CCDC184: variants seen among roughly 807,000 people sequenced by gnomAD.
CCDC184 encodes coiled-coil domain containing 184.
Under a neutral mutation model 10.4 loss-of-function variants are expected in CCDC184, and 11 were observed. That is an observed-to-expected ratio of 1.06 (90% CI 0.67 to 1.75). The LOEUF is 1.75. Among genes scored for constraint, CCDC184 ranks in the 40% most tolerant of loss-of-function variants. The probability of loss-of-function intolerance (pLI) is 0.00; values close to 1 mark genes in which losing one functional copy is unlikely to be tolerated. For synonymous variants in CCDC184, 102 were observed against 116.1 expected (o/e 0.88, Z 0.78); for missense variants, 264 against 267.9 (o/e 0.99, Z 0.10).
In CCDC184 at chr12:48,184,194, C is replaced by T. The variant is rs771174814; in HGVS notation, c.72C>T (p.Thr24=). The T allele has an allele frequency of 3.1e-6, 5 of 1,613,988 alleles. No individual in the cohort carries two copies. Among genetic ancestry groups the T allele is most frequent in the East Asian group, 4.5e-5 (2 of 44,866 alleles). ...GDMPAPLEVS[T]VPAVGDVISG... ...TGCCGGCGCCCCTGGAGGTGTCCAC[C>T]GTGCCGGCAGTGGGGGACGTGATCT... Residue 24 remains threonine (T), a synonymous_variant, in exon 1 of 1, where the codon ACC becomes ACT. Transcript: ENST00000316554.
At position 48,185,668 on chromosome 12, in the gene CCDC184, AG is replaced by A; in HGVS notation, c.*965del. ...CTTGTGTAGTAGTGTGTGAGCCCTC[AG>A]GGGCAGGGCTTGTGGCTCTGGTGTT... On this transcript the variant is annotated 3_prime_UTR_variant, in exon 1 of 1. Transcript: ENST00000316554. 1 of 167,176 alleles carries A rather than the reference AG, an allele frequency of 6.0e-6. No homozygotes were observed. Among genetic ancestry groups the A allele is most frequent in the Non-Finnish European group, 1.5e-5 (1 of 68,196 alleles). The allele number at this position is 167,176 out of a possible 1,614,324, so 10.4% of individuals were successfully genotyped here.
In CCDC184 at chr12:48,184,214, T is replaced by A. The variant is rs1420321792; in HGVS notation, c.92T>A (p.Val31Glu). ...EVSTVPAVGDVISGEYNGGMK... is the reference protein window; with the variant it reads ...EVSTVPAVGDEISGEYNGGMK... ...TCCACCGTGCCGGCAGTGGGGGACG[T>A]GATCTCCGGGGAGTACAACGGCGGC... is the stretch of plus-strand genomic sequence containing the variant. The change falls in exon 1 of 1, where the codon GTG becomes GAG. Residue 31 changes from valine (V) to glutamate (E), a missense_variant. By Grantham distance (121) the Val-to-Glu change is moderately radical. Coordinates refer to ENST00000316554, the MANE Select transcript of CCDC184 (RefSeq NM_001013635.4). 1 of 1,613,818 alleles carries A rather than the reference T, an allele frequency of 6.2e-7. No homozygotes were observed. Among genetic ancestry groups the A allele is most frequent in the East Asian group, 2.2e-5 (1 of 44,858 alleles).
rs1158019232 is a variant in CCDC184 at position 48,184,023 on chromosome 12, G to C, written c.-100G>C. 35 of 481,842 alleles carry C rather than the reference G, an allele frequency of 7.3e-5. No individual in the cohort carries two copies. The highest frequency in any genetic ancestry group is 8.9e-5 in the Non-Finnish European group (25 of 279,514). The allele number at this position is 481,842 out of a possible 1,614,324, so 29.8% of individuals were successfully genotyped here. A position where few individuals can be genotyped will look rare whatever the true frequency, so the allele number is the denominator to read the frequency against. ...GGAGCCTCCGCTTCCCTCGGCTCCC[G>C]CTAGCCCCTCCCGGGACCTCTCCCC... is the stretch of plus-strand genomic sequence containing the variant. On this transcript the variant is annotated 5_prime_UTR_variant, in exon 1 of 1. Coordinates refer to ENST00000316554, the MANE Select transcript of CCDC184 (RefSeq NM_001013635.4).
rs1951495827 is a variant in CCDC184 at position 48,185,472 on chromosome 12, C to T, written c.*765C>T. ...TCACAGGCAGAGACTCGGGGGTGCT[C>T]AGCAGCAGCCCAGATTTAGGGGACA... On this transcript the variant is annotated 3_prime_UTR_variant, in exon 1 of 1. Coordinates refer to ENST00000316554, the MANE Select transcript of CCDC184 (RefSeq NM_001013635.4). 6.0e-6 allele frequency: 1 copy of T among 167,066 alleles called. No homozygotes were observed. The highest frequency in any genetic ancestry group is 1.5e-5 in the Non-Finnish European group (1 of 68,150). 10.3% of individuals were successfully genotyped at this position (167,066 alleles called of 1,614,324 possible). A position where few individuals can be genotyped will look rare whatever the true frequency, so the allele number is the denominator to read the frequency against.
chr12:48,185,850 C>T lies in CCDC184; in HGVS notation c.*1143C>T. The stretch of plus-strand genomic sequence containing the variant: ...CCTCCTCAAGTGGTGACTTTGTGTG[C>T]CCTCCCCCTCCTTTGTGTATTCCTT... On this transcript the variant is annotated 3_prime_UTR_variant, in exon 1 of 1. Coordinates refer to ENST00000316554, the MANE Select transcript of CCDC184 (RefSeq NM_001013635.4). 6.0e-6 allele frequency: 1 copy of T among 167,584 alleles called. No individual in the cohort carries two copies. The highest frequency in any genetic ancestry group is 1.5e-5 in the Non-Finnish European group (1 of 68,440). The allele number at this position is 167,584 out of a possible 1,614,324, so 10.4% of individuals were successfully genotyped here.
In CCDC184 at chr12:48,184,814, C is replaced by A; in HGVS notation, c.*107C>A. 1.2e-6 allele frequency: 1 copy of A among 829,060 alleles called. No individual in the cohort carries two copies. The highest frequency in any genetic ancestry group is 2.6e-5 in the East Asian group (1 of 37,782). The allele number at this position is 829,060 out of a possible 1,614,324, so 51.4% of individuals were successfully genotyped here. On this transcript the variant is annotated 3_prime_UTR_variant, in exon 1 of 1. Transcript: ENST00000316554. ...GCGGCATGCTTCACTTGGACAGCTGCTCTTGTGGGTCAGGCAGAGAGAGAC... is the reference window on the plus strand; with the variant it reads ...GCGGCATGCTTCACTTGGACAGCTGATCTTGTGGGTCAGGCAGAGAGAGAC...
At position 48,184,536 on chromosome 12, in the gene CCDC184, G is replaced by A. The variant is rs755097319; in HGVS notation, c.414G>A (p.Glu138=). ...SGLLGRDPED[E]EEEEEEKEMP... ...TGCTGGGTCGCGATCCCGAGGACGA[G>A]GAGGAAGAGGAAGAAGAGAAGGAGA... Residue 138 remains glutamate (E), a synonymous_variant, in exon 1 of 1, where the codon GAG becomes GAA. Transcript: ENST00000316554. 6.4e-6 allele frequency: 10 copies of A among 1,554,242 alleles called. No individual in the cohort carries two copies. In the South Asian group the frequency reaches 1.2e-4, roughly 18 times the overall value.
At position 48,184,076 on chromosome 12, in the gene CCDC184, C is replaced by G; in HGVS notation, c.-47C>G. On this transcript the variant is annotated 5_prime_UTR_variant, in exon 1 of 1. Coordinates refer to ENST00000316554, the MANE Select transcript of CCDC184 (RefSeq NM_001013635.4). ...CCACCCCCTCCCCCACCCCGGAGGC[C>G]GGGCTGGACGCGACCCAGAGCCTCC... is the stretch of plus-strand genomic sequence containing the variant. 6.8e-7 allele frequency: 1 copy of G among 1,474,756 alleles called. No individual in the cohort carries two copies. Among genetic ancestry groups the G allele is most frequent in the Non-Finnish European group, 9.3e-7 (1 of 1,075,112 alleles). The allele number at this position is 1,474,756 out of a possible 1,614,324, so 91.4% of individuals were successfully genotyped here.
Position 48,184,594 on chromosome 12 carries a change from G to A in CCDC184, c.472G>A (p.Glu158Lys). Reference protein sequence around the residue: ...PSPATPSSHCERPESPCAGLL... With the variant: ...PSPATPSSHCKRPESPCAGLL... ...CCCCGCCACACCCTCCAGTCACTGT[G>A]AGCGCCCCGAAAGCCCCTGTGCTGG... The change falls in exon 1 of 1, where the codon GAG becomes AAG. Residue 158 changes from glutamate (E) to lysine (K), a missense_variant. Coordinates refer to ENST00000316554, the MANE Select transcript of CCDC184 (RefSeq NM_001013635.4). 6.4e-7 allele frequency: 1 copy of A among 1,562,256 alleles called. No homozygotes were observed. Among genetic ancestry groups the A allele is most frequent in the Non-Finnish European group, 8.7e-7 (1 of 1,154,418 alleles).
chr12:48,184,085 C>A lies in CCDC184; in HGVS notation c.-38C>A, dbSNP rs1951485084. ...CCCCCACCCCGGAGGCCGGGCTGGA[C>A]GCGACCCAGAGCCTCCGCCACCCGC... is the stretch of plus-strand genomic sequence containing the variant. On this transcript the variant is annotated 5_prime_UTR_variant, in exon 1 of 1. Coordinates refer to ENST00000316554, the MANE Select transcript of CCDC184 (RefSeq NM_001013635.4). 7.0e-7 allele frequency: 1 copy of A among 1,424,484 alleles called. No individual in the cohort carries two copies. Among genetic ancestry groups the A allele is most frequent in the African/African-American group, 1.4e-5 (1 of 69,892 alleles). The allele number at this position is 1,424,484 out of a possible 1,614,324, so 88.2% of individuals were successfully genotyped here. A position where few individuals can be genotyped will look rare whatever the true frequency, so the allele number is the denominator to read the frequency against.
rs147990097 is a variant in CCDC184 at position 48,184,695 on chromosome 12, G to T, written c.573G>T (p.Glu191Asp). 5.6e-6 allele frequency: 9 copies of T among 1,601,028 alleles called. No individual in the cohort carries two copies. The highest frequency in any genetic ancestry group is 7.7e-6 in the Non-Finnish European group (9 of 1,172,502). ...PDITLLQLEG[E>D]ASL ...TTACCCTGCTGCAACTGGAGGGCGA[G>T]GCCTCCCTGTGAGGGGACTCCGTGG... is the stretch of plus-strand genomic sequence containing the variant. The change falls in exon 1 of 1, where the codon GAG (glutamate) becomes GAT (aspartate). Residue 191 changes from glutamate to aspartate, a missense_variant. Physicochemically the swap from Glu to Asp is conservative, Grantham distance 45. Coordinates refer to ENST00000316554, the MANE Select transcript of CCDC184 (RefSeq NM_001013635.4).
rs1349538394 is a variant in CCDC184 at position 48,184,746 on chromosome 12, G to A, written c.*39G>A. ...GGCACTACCTTCCCGGGCTGTCTTTGGGTTTCCGAGTGCATGACGCGAGGG... is the reference window on the plus strand; with the variant it reads ...GGCACTACCTTCCCGGGCTGTCTTTAGGTTTCCGAGTGCATGACGCGAGGG... On this transcript the variant is annotated 3_prime_UTR_variant, in exon 1 of 1. Transcript: ENST00000316554. 6.6e-7 allele frequency: 1 copy of A among 1,510,490 alleles called. No homozygotes were observed. Among genetic ancestry groups the A allele is most frequent in the Non-Finnish European group, 9.0e-7 (1 of 1,114,116 alleles). The allele number at this position is 1,510,490 out of a possible 1,614,324, so 93.6% of individuals were successfully genotyped here.
rs757145992 is a variant in CCDC184, at chr12:48,184,533, C to T, written c.411C>T (p.Asp137=). 6.4e-7 allele frequency: 1 copy of T among 1,555,900 alleles called. No homozygotes were observed. Among genetic ancestry groups the T allele is most frequent in the African/African-American group, 1.4e-5 (1 of 73,902 alleles). The change falls in exon 1 of 1, where the codon GAC becomes GAT. Residue 137 remains aspartate, a synonymous_variant. Transcript: ENST00000316554. ...GCTTGCTGGGTCGCGATCCCGAGGA[C>T]GAGGAGGAAGAGGAAGAAGAGAAGG... ...DSGLLGRDPE[D]EEEEEEEKEM... is the part of the protein sequence containing the mutation.
chr12:48,184,627 G>T lies in CCDC184; in HGVS notation c.505G>T (p.Gly169Trp), dbSNP rs1202150749. The change falls in exon 1 of 1, where the codon GGG (glycine) becomes TGG (tryptophan). Residue 169 changes from glycine (G) to tryptophan (W), a missense_variant. Physicochemically the swap from Gly to Trp is radical, Grantham distance 184. Transcript: ENST00000316554. ...CGAAAGCCCCTGTGCTGGTCTCCTTGGGGGGGACGGGCCACTTGTGGAGCC... is the reference window on the plus strand; with the variant it reads ...CGAAAGCCCCTGTGCTGGTCTCCTTTGGGGGGACGGGCCACTTGTGGAGCC... Reference protein sequence around the residue: ...RPESPCAGLLGGDGPLVEPLD... With the variant: ...RPESPCAGLLWGDGPLVEPLD... The T allele has an allele frequency of 1.3e-6, 2 of 1,578,784 alleles. No homozygotes were observed. Among genetic ancestry groups the T allele is most frequent in the South Asian group, 2.3e-5 (2 of 86,674 alleles).
chr12:48,184,121 C>A lies in CCDC184; in HGVS notation c.-2C>A. 1.2e-6 allele frequency: 2 copies of A among 1,605,540 alleles called. No individual in the cohort carries two copies. The highest frequency in any genetic ancestry group is 1.7e-6 in the Non-Finnish European group (2 of 1,174,230). On this transcript the variant is annotated 5_prime_UTR_variant, in exon 1 of 1. Transcript: ENST00000316554. ...GCCTCCGCCACCCGCTTCTGCCACT[C>A]AATGGAGGACGGTCTGCTGGAGATC...
rs1951493315 is a variant in CCDC184, at chr12:48,185,032, A to G, written c.*325A>G. The G allele has an allele frequency of 1.1e-5, 3 of 276,530 alleles. No homozygotes were observed. The highest frequency in any genetic ancestry group is 6.6e-5 in the African/African-American group (3 of 45,320). 17.1% of individuals were successfully genotyped at this position (276,530 alleles called of 1,614,324 possible). On this transcript the variant is annotated 3_prime_UTR_variant, in exon 1 of 1. Transcript: ENST00000316554. Reference sequence around the variant, plus strand: ...CAACAGGAGAACCCGTGAATTGTGTAAATAAAATTCTGCTTTTTCTATTCT... The same window carrying G: ...CAACAGGAGAACCCGTGAATTGTGTGAATAAAATTCTGCTTTTTCTATTCT...
In CCDC184 at chr12:48,184,078, G is replaced by A; in HGVS notation, c.-45G>A. ...ACCCCCTCCCCCACCCCGGAGGCCG[G>A]GCTGGACGCGACCCAGAGCCTCCGC... On this transcript the variant is annotated 5_prime_UTR_variant, in exon 1 of 1. Transcript: ENST00000316554. The A allele has an allele frequency of 1.4e-6, 2 of 1,457,430 alleles. No homozygotes were observed. The highest frequency in any genetic ancestry group is 1.2e-5 in the South Asian group (1 of 82,082). 90.3% of individuals were successfully genotyped at this position (1,457,430 alleles called of 1,614,324 possible). A position where few individuals can be genotyped will look rare whatever the true frequency, so the allele number is the denominator to read the frequency against.
At position 48,184,012 on chromosome 12, in the gene CCDC184, C is replaced by G; in HGVS notation, c.-111C>G. ...CGCCAGTCTCGGGAGCCTCCGCTTCCCTCGGCTCCCGCTAGCCCCTCCCGG... is the reference window on the plus strand; with the variant it reads ...CGCCAGTCTCGGGAGCCTCCGCTTCGCTCGGCTCCCGCTAGCCCCTCCCGG... On this transcript the variant is annotated 5_prime_UTR_variant, in exon 1 of 1. Transcript: ENST00000316554. 1.6e-6 allele frequency: 1 copy of G among 632,068 alleles called. No homozygotes were observed. The highest frequency in any genetic ancestry group is 2.5e-6 in the Non-Finnish European group (1 of 393,112). 39.2% of individuals were successfully genotyped at this position (632,068 alleles called of 1,614,324 possible).
Position 48,185,623 on chromosome 12 carries a change from G to C in CCDC184, c.*916G>C, listed in dbSNP as rs1032487798. ...CTCGGTGTTGCCTTCATAATGTCTT[G>C]TGTGTGTTATGTGTGTCTACTTGTG... On this transcript the variant is annotated 3_prime_UTR_variant, in exon 1 of 1. Transcript: ENST00000316554. The C allele has an allele frequency of 3.0e-5, 5 of 166,434 alleles. No individual in the cohort carries two copies. Among genetic ancestry groups the C allele is most frequent in the African/African-American group, 1.2e-4 (5 of 41,074 alleles). The allele number at this position is 166,434 out of a possible 1,614,324, so 10.3% of individuals were successfully genotyped here.
Sources: gnomAD v4.1 joint callset for allele counts on GRCh38, gnomAD v4.1.1 for gene constraint, MANE v1.5 for transcripts, NCBI Gene and HGNC (gene_info 2026-07-23, HGNC 2026-07-21) for gene names.